Variants in RALB observed in about 807,000 individuals in gnomAD.
RALB encodes RAS like proto-oncogene B, also known as ras-related protein Ral-B.
In RALB, 16 loss-of-function variants were observed where a neutral mutation model predicts 21.3. The ratio of observed to expected loss-of-function variants is 0.75; its 90% CI spans 0.51 to 1.14. The LOEUF (loss-of-function observed/expected upper bound fraction) is 1.14, where lower values mean the gene tolerates loss of function less well. RALB is among the 50% of genes most tolerant of loss of function. The probability of loss-of-function intolerance (pLI) is 0.00; values close to 1 mark genes in which losing one functional copy is unlikely to be tolerated. For missense variants in RALB, 161 were observed against 256.2 expected, an observed-to-expected ratio of 0.63 and a Z score of 2.54; for synonymous variants, 93 against 96.1, an observed-to-expected ratio of 0.97 and a Z score of 0.19.
chr2:120,290,757 A>G (rs1348541182), intron 4 of RALB, among the ~76,000 whole-genome samples: 2 of 151,986 alleles, frequency 1.3e-5, no homozygotes, highest in Non-Finnish European at 2.9e-5. Context: ...CCTATCAGGG[A>G]TTGCTATTGT....
At chr2:120,244,557 G>A (rs950356953) in intron 1 of RALB, among the ~76,000 whole-genome samples, 1 of 152,198 alleles carries the variant, frequency 6.6e-6, no homozygotes, top group Non-Finnish European at 1.5e-5. Flanking sequence ...TGTCACCAAG[G>A]CCTCCTGAAT....
intron 1 of RALB, among the ~76,000 whole-genome samples, chr2:120,262,875 G>C (rs1332985325): frequency 6.6e-6 from 1 of 152,172 alleles, no homozygotes; most frequent in African/African-American, 2.4e-5. Context: ...CTTGTTTCCA[G>C]GTGGAGTATG....
chr2:120,265,355 C>T (rs1232884635), intron 1 of RALB, among the ~76,000 whole-genome samples: 1 of 152,186 alleles, frequency 6.6e-6, no homozygotes, highest in Non-Finnish European at 1.5e-5. Context: ...TAGGAAAGGC[C>T]CAGTAACAGT....
Position 120,294,688 on chromosome 2 carries a change from G to T in RALB, c.*1428G>T, listed in dbSNP as rs564573867. 2.5e-3 allele frequency: 389 copies of T among 157,570 alleles called. 1 individual carries two copies. The highest frequency in any genetic ancestry group is 8.0e-3 in the African/African-American group (332 of 41,608). The allele number at this position is 157,570 out of a possible 1,614,324, so 9.8% of individuals were successfully genotyped here. ...CCAAAGAATCATGGGCTTTTTTTTT[G>T]AATAAAAAAGCAGACAAATAGACTT... is the stretch of plus-strand genomic sequence containing the variant. On this transcript the variant is annotated 3_prime_UTR_variant, in exon 5 of 5. Transcript: ENST00000272519.
chr2:120,266,842 CA>C (rs1689516139), intron 1 of RALB, among the ~76,000 whole-genome samples: 1 of 152,192 alleles, frequency 6.6e-6, no homozygotes, highest in Non-Finnish European at 1.5e-5. Context: ...GTACCAGGCA[CA>C]CTGGGCACAC....
chr2:120,266,769 C>T (rs1037660292), intron 1 of RALB, among the ~76,000 whole-genome samples: 1 of 152,162 alleles, frequency 6.6e-6, no homozygotes, highest in Non-Finnish European at 1.5e-5. Context: ...TTTGAGGCCT[C>T]ACAACCCAGG....
chr2:120,259,054 G>C lies in RALB; in HGVS notation c.-48+6074G>C, dbSNP rs936554926. Among the ~76,000 whole-genome samples the C allele has an allele frequency of 3.9e-5, 6 of 152,044 alleles. No homozygotes were observed. The East Asian group carries it at 9.6e-4, about 24-fold the overall frequency. On this transcript the variant is annotated intron_variant, in intron 1 of 4. Coordinates refer to ENST00000272519, the MANE Select transcript of RALB (RefSeq NM_002881.3). ...GCGTCTGGAGTTGTTCGTTCCTCCC[G>C]GTGGGCTCGTGGTCTTGCTGGGCTC...
chr2:120,280,629 G>C (rs1298085126), intron 2 of RALB, among the ~76,000 whole-genome samples: 2 of 151,688 alleles, frequency 1.3e-5, no homozygotes, highest in Non-Finnish European at 2.9e-5. Context: ...ATGATGGGTC[G>C]ATAGGTGCAG....
intron 1 of RALB, among the ~76,000 whole-genome samples, chr2:120,255,536 G>A (rs1689180434): frequency 6.6e-6 from 1 of 152,190 alleles, no homozygotes; most frequent in Non-Finnish European, 1.5e-5. Flanking sequence ...ATTGGTGTAT[G>A]TGTACATATA....
At chr2:120,269,074 A>C (rs970331095) in intron 1 of RALB, among the ~76,000 whole-genome samples, 1 of 152,218 alleles carries the variant, frequency 6.6e-6, no homozygotes. Flanking sequence ...GCACTTCTCC[A>C]TTCTTTTCAA....
chr2:120,277,911 ATG>A (rs1281821283), intron 1 of RALB, among the ~76,000 whole-genome samples: 12 of 146,390 alleles, frequency 8.2e-5, no homozygotes, highest in African/African-American at 2.3e-4. Flanking sequence ...GTGTGTGTGA[ATG>A]TGAGTTAATG....
intron 1 of RALB, among the ~76,000 whole-genome samples, chr2:120,276,370 C>T (rs1689793905): frequency 6.6e-6 from 1 of 152,052 alleles, no homozygotes; most frequent in African/African-American, 2.4e-5. Context: ...GGAGGCTGAG[C>T]AGGGGGTGGA....
At chr2:120,259,270 C>G (rs1028686429) in intron 1 of RALB, among the ~76,000 whole-genome samples, 2 of 152,236 alleles carry the variant, frequency 1.3e-5, no homozygotes, top group African/African-American at 4.8e-5. Flanking sequence ...CTGGCCCCAC[C>G]CACATCCTGC....
At chr2:120,277,727 TAG>T (rs1689856475) in intron 1 of RALB, among the ~76,000 whole-genome samples, 1 of 151,252 alleles carries the variant, frequency 6.6e-6, no homozygotes, top group Admixed American at 6.6e-5. Flanking sequence ...GCGTGTGTGA[TAG>T]TGTGTGAGCT....
chr2:120,260,381 A>G (rs917222695), intron 1 of RALB, among the ~76,000 whole-genome samples: 1 of 152,262 alleles, frequency 6.6e-6, no homozygotes, highest in African/African-American at 2.4e-5. Flanking sequence ...AGAGGGAAGA[A>G]TCAAGAATTC....
intron 1 of RALB, among the ~76,000 whole-genome samples, chr2:120,272,715 C>T (rs915954674): frequency 1.3e-5 from 2 of 151,996 alleles, no homozygotes; most frequent in African/African-American, 2.4e-5. Flanking sequence ...CCTGCTCTTT[C>T]TCCTCCTGTC....
intron 1 of RALB, among the ~76,000 whole-genome samples, chr2:120,263,836 A>C (rs1475382886): frequency 7.0e-6 from 1 of 143,014 alleles, no homozygotes; most frequent in Non-Finnish European, 1.5e-5. Flanking sequence ...GGCCTGTCCT[A>C]TATTTTATTT....
At chr2:120,262,498 T>G (rs955994425) in intron 1 of RALB, among the ~76,000 whole-genome samples, 7 of 152,164 alleles carry the variant, frequency 4.6e-5, no homozygotes, top group Non-Finnish European at 8.8e-5. Flanking sequence ...TCTGTTGGGT[T>G]GAGAGCCCTA....
At position 120,288,977 on chromosome 2, in the gene RALB, C is replaced by T. The variant is rs141122809; in HGVS notation, c.324-603C>T. Among the ~76,000 whole-genome samples, 92 of 152,236 alleles carry T rather than the reference C, an allele frequency of 6.0e-4. No homozygotes were observed. In the East Asian group the frequency reaches 0.016, roughly 27 times the overall value. On this transcript the variant is annotated intron_variant, in intron 3 of 4. Transcript: ENST00000272519. ...AGTTTCAAAACAATACAATATTCAC[C>T]TTTCCTACTTGAGATTCCCTTGGAT... is the stretch of plus-strand genomic sequence containing the variant.
Sources: gnomAD v4.1 joint callset for allele counts (sites outside exome capture counted in the v4.1 genomes callset) on GRCh38, gnomAD v4.1.1 for gene constraint, MANE v1.5 for transcripts, NCBI Gene and HGNC (gene_info 2026-07-23, HGNC 2026-07-21) for gene names.